ERBB4: variants seen among roughly 807,000 people sequenced by gnomAD.
The protein encoded by ERBB4 is receptor tyrosine-protein kinase erbB-4.
A neutral mutation model predicts 158.0 loss-of-function variants in ERBB4; 42 were observed. That is an observed-to-expected ratio of 0.27 (90% confidence interval 0.21 to 0.34). ERBB4 has a LOEUF of 0.34. Ranked by LOEUF, ERBB4 falls within the 10% of genes least tolerant of loss-of-function variation. The probability of loss-of-function intolerance (pLI) is 1.00; values close to 1 mark genes in which losing one functional copy is unlikely to be tolerated. For synonymous variants in ERBB4, 583 were observed against 558.7 expected (o/e 1.04, Z -0.61); for missense variants, 1,333 against 1,624.1 (o/e 0.82, Z 3.08).
chr2:212,088,817 T>C (rs1216366944), intron 2 of ERBB4, among the ~76,000 whole-genome samples: 1 of 152,086 alleles, frequency 6.6e-6, no homozygotes, highest in Non-Finnish European at 1.5e-5. Context: ...ACAAAAATGG[T>C]TTATTCATTG....
chr2:211,497,327 A>G (rs182851092), intron 20 of ERBB4, among the ~76,000 whole-genome samples: 34 of 152,244 alleles, frequency 2.2e-4, no homozygotes, highest in African/African-American at 6.7e-4. Flanking sequence ...AAAGTGTAAC[A>G]TTTTGTACTT....
At chr2:211,448,698 C>T (rs918946915) in intron 20 of ERBB4, among the ~76,000 whole-genome samples, 6 of 152,096 alleles carry the variant, frequency 3.9e-5, no homozygotes, top group Non-Finnish European at 7.4e-5. Flanking sequence ...CATCAATTTA[C>T]ACTTTTAAGA....
chr2:211,637,563 AC>A (rs2070406507), intron 16 of ERBB4, among the ~76,000 whole-genome samples: 1 of 152,024 alleles, frequency 6.6e-6, no homozygotes, highest in African/African-American at 2.4e-5. Flanking sequence ...ATAGAGGTAA[AC>A]CAAAGGCTTT....
chr2:211,650,787 C>A (rs2070952526), intron 16 of ERBB4, among the ~76,000 whole-genome samples: 1 of 151,948 alleles, frequency 6.6e-6, no homozygotes, highest in Non-Finnish European at 1.5e-5. Context: ...CCCAATATAC[C>A]CATATTATTA....
intron 1 of ERBB4, among the ~76,000 whole-genome samples, chr2:212,187,933 T>G (rs149637059): frequency 2.6e-5 from 4 of 152,304 alleles, no homozygotes; most frequent in African/African-American, 9.6e-5. Flanking sequence ...TTTTAATGCG[T>G]TGACAGCTAA....
At chr2:212,248,867 C>A (rs1233386961) in intron 1 of ERBB4, among the ~76,000 whole-genome samples, 1 of 151,910 alleles carries the variant, frequency 6.6e-6, no homozygotes, top group African/African-American at 2.4e-5. Context: ...TTTTTGCTCA[C>A]CAACAGGAGC....
intron 20 of ERBB4, among the ~76,000 whole-genome samples, chr2:211,502,335 G>C (rs1231364218): frequency 1.3e-5 from 2 of 152,050 alleles, no homozygotes; most frequent in Admixed American, 1.3e-4. Flanking sequence ...ACTCAAATTA[G>C]GGTAATGTAA....
intron 1 of ERBB4, among the ~76,000 whole-genome samples, chr2:212,443,334 T>C (rs988134732): frequency 1.3e-5 from 2 of 152,224 alleles, no homozygotes; most frequent in Non-Finnish European, 2.9e-5. Context: ...ACTGAACTTA[T>C]TGGTGAGATG....
chr2:212,276,324 A>C (rs1379298538), intron 1 of ERBB4, among the ~76,000 whole-genome samples: 1 of 151,848 alleles, frequency 6.6e-6, no homozygotes, highest in South Asian at 2.1e-4. Context: ...CTATATTACT[A>C]TCTGGAGAGC....
chr2:211,715,336 T>C (rs2073857780), intron 7 of ERBB4, among the ~76,000 whole-genome samples: 1 of 152,204 alleles, frequency 6.6e-6, no homozygotes. Context: ...GTTGAGATGA[T>C]ATCAAAGTCC....
chr2:212,005,353 T>A (rs776122266), intron 2 of ERBB4, among the ~76,000 whole-genome samples: 17 of 152,092 alleles, frequency 1.1e-4, no homozygotes, highest in Non-Finnish European at 2.2e-4. Context: ...AAATCATTTT[T>A]AACTATATTC....
intron 20 of ERBB4, among the ~76,000 whole-genome samples, chr2:211,441,316 T>A (rs2063969917): frequency 3.9e-5 from 6 of 152,156 alleles, no homozygotes; most frequent in Admixed American, 3.9e-4. Context: ...TTACTTAAAA[T>A]GTGAATCATC....
intron 2 of ERBB4, among the ~76,000 whole-genome samples, chr2:211,956,247 C>T (rs1055790315): frequency 8.6e-5 from 13 of 152,042 alleles, no homozygotes; most frequent in Middle Eastern, 3.4e-3. Context: ...TTAGATACAA[C>T]GCATAAATGC....
At chr2:211,804,791 T>C (rs1011003345) in intron 3 of ERBB4, among the ~76,000 whole-genome samples, 1 of 152,206 alleles carries the variant, frequency 6.6e-6, no homozygotes, top group Non-Finnish European at 1.5e-5. Context: ...TCTGGCATTG[T>C]AGCCTTCCTT....
chr2:212,004,550 TAA>T (rs2076215993), intron 2 of ERBB4, among the ~76,000 whole-genome samples: 1 of 152,182 alleles, frequency 6.6e-6, no homozygotes, highest in African/African-American at 2.4e-5. Context: ...GAATGATTTC[TAA>T]GCCAGTCTTC....
intron 2 of ERBB4, among the ~76,000 whole-genome samples, chr2:211,978,099 T>C (rs560569554): frequency 6.6e-6 from 1 of 151,446 alleles, no homozygotes; most frequent in Non-Finnish European, 1.5e-5. Flanking sequence ...AGGCATTTTG[T>C]ACAGTGACAT....
chr2:212,300,875 G>T (rs1165538614), intron 1 of ERBB4, among the ~76,000 whole-genome samples: 2 of 151,346 alleles, frequency 1.3e-5, no homozygotes, highest in Non-Finnish European at 3.0e-5. Context: ...ATAAATTTTA[G>T]AAAAATACCG....
intron 9 of ERBB4, among the ~76,000 whole-genome samples, chr2:211,709,292 CATATAT>C (rs1176289939): frequency 2.3e-5 from 3 of 131,348 alleles, no homozygotes; most frequent in Non-Finnish European, 4.7e-5. Flanking sequence ...TATATATATA[CATATAT>C]ATATATGAGA....
At chr2:212,398,746 A>C (rs2091102653) in intron 1 of ERBB4, among the ~76,000 whole-genome samples, 1 of 152,194 alleles carries the variant, frequency 6.6e-6, no homozygotes, top group African/African-American at 2.4e-5. Context: ...TATGACAATA[A>C]TTCATGAAAG....
Sources: allele counts gnomAD v4.1 joint callset (sites outside exome capture counted in the v4.1 genomes callset), GRCh38; gene constraint gnomAD v4.1.1; transcripts MANE v1.5; gene names NCBI Gene and HGNC (gene_info 2026-07-23, HGNC 2026-07-21).